Variants in ERAP1 observed in about 807,000 individuals in gnomAD.
ERAP1 encodes endoplasmic reticulum aminopeptidase 1, also known as adipocyte-derived leucine aminopeptidase.
ERAP1 carries 86 observed loss-of-function variants against 103.7 expected under a neutral mutation model. That is an observed-to-expected ratio of 0.83 (90% CI 0.70 to 0.99). ERAP1 has a LOEUF of 0.99. ERAP1 is among the 50% of genes least tolerant of loss of function. The pLI is 0.00. For synonymous variants in ERAP1, 398 were observed against 402.4 expected (o/e 0.99, Z 0.13); for missense variants, 1,009 against 1,128.4 (o/e 0.89, Z 1.52).
the ERAP1 span, chr5:96,895,196 A>G: frequency 9.5e-6 from 11 of 1,152,488 alleles, no homozygotes; most frequent in Non-Finnish European, 1.4e-5. Flanking sequence ...GCTAAAGTTA[A>G]TAATTTTTAT....
At chr5:96,929,242 C>G in the ERAP1 span, among the ~76,000 whole-genome samples, 2 of 152,202 alleles carry the variant, frequency 1.3e-5, no homozygotes, top group Non-Finnish European at 2.9e-5. Context: ...TAAACTTTCA[C>G]TCCTGCTCTA....
the ERAP1 span, among the ~76,000 whole-genome samples, chr5:96,836,299 T>G: frequency 2.0e-5 from 3 of 151,638 alleles, no homozygotes; most frequent in East Asian, 5.8e-4. Context: ...CGTCCTGGAT[T>G]CAAGCAGTTC....
intron 3 of ERAP1, among the ~76,000 whole-genome samples, chr5:96,799,203 A>G (rs1777710959): frequency 6.8e-6 from 1 of 148,056 alleles, no homozygotes; most frequent in African/African-American, 2.4e-5. Flanking sequence ...ATTATTAGGA[A>G]AATAACCTGA....
At chr5:96,889,831 T>C in the ERAP1 span, among the ~76,000 whole-genome samples, 25 of 148,758 alleles carry the variant, frequency 1.7e-4, no homozygotes, top group African/African-American at 6.2e-4. Flanking sequence ...AAAAAATACA[T>C]ACACACACAC....
At chr5:96,812,594 TACTA>T (rs1372926296), upstream of ERAP1, among the ~76,000 whole-genome samples, 1 of 151,924 alleles carries the variant, frequency 6.6e-6, no homozygotes, top group Non-Finnish European at 1.5e-5. Context: ...GGTGTTATGC[TACTA>T]ACTGTCTTGC....
intron 19 of ERAP1, chr5:96,763,269 G>A: frequency 1.3e-6 from 1 of 780,522 alleles, no homozygotes; most frequent in South Asian, 1.3e-5. Context: ...GCCCAGACCT[G>A]GCCCCGGGCA....
chr5:96,931,665 G>T, the ERAP1 span, among the ~76,000 whole-genome samples: 1 of 152,148 alleles, frequency 6.6e-6, no homozygotes, highest in African/African-American at 2.4e-5. Context: ...ATATAGTTTT[G>T]GTAAATGAGA....
chr5:96,855,672 C>T, the ERAP1 span, among the ~76,000 whole-genome samples: 13 of 152,178 alleles, frequency 8.5e-5, no homozygotes, highest in African/African-American at 2.4e-4. Flanking sequence ...GCAATTGCAG[C>T]GGAACTTTGG....
At chr5:96,857,847 G>A in the ERAP1 span, among the ~76,000 whole-genome samples, 1 of 152,198 alleles carries the variant, frequency 6.6e-6, no homozygotes, top group African/African-American at 2.4e-5. Flanking sequence ...TTCTAACTCT[G>A]ACTGAGCATA....
At chr5:96,767,859 T>A in intron 19 of ERAP1, 4 of 1,199,102 alleles carry the variant, frequency 3.3e-6, no homozygotes, top group Non-Finnish European at 5.0e-6. Flanking sequence ...CCATATTGCA[T>A]TTTGCCTTCT....
chr5:96,908,032 A>T, the ERAP1 span, among the ~76,000 whole-genome samples: 1 of 152,226 alleles, frequency 6.6e-6, no homozygotes, highest in Non-Finnish European at 1.5e-5. Context: ...TAAAGGGACA[A>T]CAAAAGTTGG....
chr5:96,798,191 G>A (rs1032611653), intron 3 of ERAP1, among the ~76,000 whole-genome samples: 2 of 151,996 alleles, frequency 1.3e-5, no homozygotes, highest in Non-Finnish European at 2.9e-5. Context: ...CGGGCGTGGT[G>A]GCAGGTGCCT....
the ERAP1 span, among the ~76,000 whole-genome samples, chr5:96,893,664 C>T: frequency 1.3e-5 from 2 of 152,308 alleles, no homozygotes; most frequent in South Asian, 4.1e-4. Context: ...GAGATGCAGT[C>T]AAGTGCTGAA....
At chr5:96,768,017 AT>A (rs758554970) in intron 19 of ERAP1, 1 of 1,515,110 alleles carries the variant, frequency 6.6e-7, no homozygotes, top group African/African-American at 1.4e-5. Flanking sequence ...GCTTTTTCAC[AT>A]TTCACTCTTT....
intron 3 of ERAP1, among the ~76,000 whole-genome samples, chr5:96,799,585 G>A (rs1470453804): frequency 6.6e-6 from 1 of 152,126 alleles, no homozygotes; most frequent in Non-Finnish European, 1.5e-5. Context: ...CACTAATCCT[G>A]TTTGGTCCTT....
At chr5:96,794,209 G>T (rs548288080) in intron 5 of ERAP1, among the ~76,000 whole-genome samples, 1 of 105,538 alleles carries the variant, frequency 9.5e-6, no homozygotes, top group East Asian at 3.0e-4. Flanking sequence ...TGGAAACAAG[G>T]TCCCACTCTG....
At chr5:96,895,168 G>T in the ERAP1 span, 2 of 788,896 alleles carry the variant, frequency 2.5e-6, no homozygotes, top group Non-Finnish European at 4.0e-6. Flanking sequence ...AAAAAAGTTA[G>T]TAACTATTGT....
At chr5:96,913,186 A>T in the ERAP1 span, 1 of 683,164 alleles carries the variant, frequency 1.5e-6, no homozygotes, top group Non-Finnish European at 2.4e-6. Flanking sequence ...TAATTGAAAC[A>T]TTAAAAAATT....
chr5:96,862,313 T>C, the ERAP1 span, among the ~76,000 whole-genome samples: 1 of 152,222 alleles, frequency 6.6e-6, no homozygotes, highest in Non-Finnish European at 1.5e-5. Flanking sequence ...CAAAAGGTGA[T>C]ACTATAAGTT....
Sources: gnomAD v4.1 joint callset for allele counts (sites outside exome capture counted in the v4.1 genomes callset) on GRCh38, gnomAD v4.1.1 for gene constraint, MANE v1.5 for transcripts, NCBI Gene and HGNC (gene_info 2026-07-23, HGNC 2026-07-21) for gene names.